The following PSMA8 variants were observed in gnomAD, a reference collection of about 807,000 sequenced individuals.
PSMA8 encodes the protein proteasome 20S subunit alpha 8.
PSMA8 carries 18 observed loss-of-function variants against 32.4 expected under a neutral mutation model. The observed-to-expected ratio is 0.56, with a 90% CI of 0.38 to 0.82. The LOEUF is 0.82. Ranked by LOEUF, PSMA8 falls within the 40% of genes least tolerant of loss-of-function variation. The pLI is 0.00. For missense variants in PSMA8, 298 were observed against 300.7 expected (o/e 0.99, Z 0.07); for synonymous variants, 104 against 98.1 (o/e 1.06, Z -0.36).
At chr18:26,165,728 T>C (rs948938884) in intron 4 of PSMA8, among the ~76,000 whole-genome samples, 2 of 152,006 alleles carry the variant, frequency 1.3e-5, no homozygotes, top group Admixed American at 1.3e-4. Context: ...GCAAAACATA[T>C]GGTCTTTAGA....
In PSMA8 at chr18:26,186,001, G is replaced by C. The variant is rs145240896; in HGVS notation, c.661-6318G>C. On this transcript the variant is annotated intron_variant, in intron 6 of 6. Transcript: ENST00000415576. ...TCATGCCTGTAATCCCAGCCCTTTGGGAGACCGAGTGGGTGGATCACGAGG... is the reference window on the plus strand; with the variant it reads ...TCATGCCTGTAATCCCAGCCCTTTGCGAGACCGAGTGGGTGGATCACGAGG... 2.3e-4 allele frequency among the ~76,000 whole-genome samples: 35 copies of C among 150,020 alleles called. 2 individuals are homozygous for C. The highest frequency in any genetic ancestry group is 8.1e-4 in the African/African-American group (33 of 40,632).
At chr18:26,168,127 C>T (rs865773849) in intron 4 of PSMA8, among the ~76,000 whole-genome samples, 26 of 111,104 alleles carry the variant, frequency 2.3e-4, no homozygotes, top group Middle Eastern at 3.7e-3. Context: ...AAAGGCTTTT[C>T]AGTTTATAAT....
At chr18:26,169,363 C>G (rs1172553144) in intron 4 of PSMA8, among the ~76,000 whole-genome samples, 1 of 134,020 alleles carries the variant, frequency 7.5e-6, no homozygotes, top group Non-Finnish European at 1.5e-5. Flanking sequence ...TCAGAATATC[C>G]TGCTACTTAT....
At chr18:26,138,434 T>G (rs2144266896) in intron 1 of PSMA8, among the ~76,000 whole-genome samples, 1 of 152,268 alleles carries the variant, frequency 6.6e-6, no homozygotes, top group Non-Finnish European at 1.5e-5. Context: ...CCTTTCCACA[T>G]TAGGAAAGTG....
chr18:26,190,642 C>T (rs868556483), intron 6 of PSMA8, among the ~76,000 whole-genome samples: 14 of 152,158 alleles, frequency 9.2e-5, no homozygotes, highest in South Asian at 8.3e-4. Context: ...CCAGCTACTC[C>T]GGTTGCTGAG....
chr18:26,139,840 A>G (rs2054940588), intron 1 of PSMA8, among the ~76,000 whole-genome samples: 1 of 152,174 alleles, frequency 6.6e-6, no homozygotes, highest in East Asian at 1.9e-4. Context: ...TTAAAGTGGA[A>G]TGGTCTTAAA....
chr18:26,177,806 C>G (rs1329442155), intron 4 of PSMA8, among the ~76,000 whole-genome samples: 1 of 152,142 alleles, frequency 6.6e-6, no homozygotes, highest in Non-Finnish European at 1.5e-5. Context: ...AGGTAAATAG[C>G]TTTCTTCATG....
intron 4 of PSMA8, among the ~76,000 whole-genome samples, chr18:26,163,335 G>A (rs1418426662): frequency 6.7e-6 from 1 of 148,882 alleles, no homozygotes; most frequent in Non-Finnish European, 1.5e-5. Flanking sequence ...GTCAGGGAAG[G>A]TCCCTTTGAA....
intron 1 of PSMA8, among the ~76,000 whole-genome samples, chr18:26,138,085 A>T (rs955518691): frequency 6.6e-6 from 1 of 152,234 alleles, no homozygotes; most frequent in African/African-American, 2.4e-5. Context: ...CAGATCATGG[A>T]ATGCCATTAA....
chr18:26,141,253 C>T (rs147389580), intron 1 of PSMA8, among the ~76,000 whole-genome samples: 248 of 151,374 alleles, frequency 1.6e-3, no homozygotes, highest in Non-Finnish European at 2.8e-3. Flanking sequence ...TTTTTTCTTA[C>T]TTGATTAAAA....
At chr18:26,163,602 C>T (rs8099015) in intron 4 of PSMA8, among the ~76,000 whole-genome samples, 80 of 152,292 alleles carry the variant, frequency 5.3e-4, no homozygotes, top group African/African-American at 1.9e-3. Flanking sequence ...CGTGACTACG[C>T]TACAGCAAGT....
chr18:26,145,594 A>C (rs1013500387), intron 2 of PSMA8, among the ~76,000 whole-genome samples: 5 of 152,200 alleles, frequency 3.3e-5, no homozygotes, highest in African/African-American at 1.2e-4. Flanking sequence ...CATTTTGAGA[A>C]TGTTATATGG....
At chr18:26,158,277 A>G in intron 4 of PSMA8, 33 bp downstream of exon 4, 4 of 1,524,928 alleles carry the variant, frequency 2.6e-6, no homozygotes, top group Non-Finnish European at 3.6e-6. Flanking sequence ...CTTTTTTAGA[A>G]GTTTAGTAAA....
At chr18:26,163,186 A>C in intron 4 of PSMA8, among the ~76,000 whole-genome samples, 1 of 141,168 alleles carries the variant, frequency 7.1e-6, no homozygotes, top group African/African-American at 2.6e-5. Flanking sequence ...CAACAATATA[A>C]AAGGTGGTGT....
rs140005604 is a variant in PSMA8, at chr18:26,143,047, G to A, written c.103-1512G>A. Reference sequence around the variant, plus strand: ...TAATACTACCAGCACTAGTACTGCCGCCTTTATAAAGAATCCACATGGATT... The same window carrying A: ...TAATACTACCAGCACTAGTACTGCCACCTTTATAAAGAATCCACATGGATT... On this transcript the variant is annotated intron_variant, in intron 1 of 6. Transcript: ENST00000415576. 5.2e-3 allele frequency among the ~76,000 whole-genome samples: 791 copies of A among 152,128 alleles called. 6 individuals are homozygous for A. Among genetic ancestry groups the A allele is most frequent in the African/African-American group, 0.018 (743 of 41,500 alleles).
chr18:26,133,877 G>T lies in PSMA8; in HGVS notation c.-89G>T, dbSNP rs575650531. 4.6e-5 allele frequency: 52 copies of T among 1,137,402 alleles called. No individual in the cohort carries two copies. Among genetic ancestry groups the T allele is most frequent in the Non-Finnish European group, 6.7e-5 (51 of 763,794 alleles). 70.5% of individuals were successfully genotyped at this position (1,137,402 alleles called of 1,614,324 possible). A position where few individuals can be genotyped will look rare whatever the true frequency, so the allele number is the denominator to read the frequency against. On this transcript the variant is annotated 5_prime_UTR_variant, in exon 1 of 7. Transcript: ENST00000415576. ...GAGGCGCGTGTGGAAGCGCTTCCGG[G>T]CGGTAGCACGCTGTGTTGGCGGCGG...
chr18:26,186,177 A>G lies in PSMA8; in HGVS notation c.661-6142A>G, dbSNP rs777517462. On this transcript the variant is annotated intron_variant, in intron 6 of 6. Coordinates refer to ENST00000415576, the MANE Select transcript of PSMA8 (RefSeq NM_001025096.2). ...GGCAGGAGAATCACTTGAACCTGGG[A>G]GGCAGAGGTTGCAGTGAGCTGAGAT... Among the ~76,000 whole-genome samples the G allele has an allele frequency of 8.6e-4, 117 of 135,804 alleles. 3 individuals carry two copies. The highest frequency in any genetic ancestry group is 7.9e-4 in the Non-Finnish European group (51 of 64,624). The allele number at this position is 135,804 out of a possible 152,430, so 89.1% of individuals were successfully genotyped here. A position where few individuals can be genotyped will look rare whatever the true frequency, so the allele number is the denominator to read the frequency against.
At chr18:26,143,906 G>A (rs1306153275) in intron 1 of PSMA8, among the ~76,000 whole-genome samples, 1 of 152,026 alleles carries the variant, frequency 6.6e-6, no homozygotes, top group East Asian at 1.9e-4. Context: ...GTTTTTAGTA[G>A]AGACGGGGTT....
rs1329251073 is a variant in PSMA8, at chr18:26,184,793, G to A, written c.660+5663G>A. 5.0e-5 allele frequency among the ~76,000 whole-genome samples: 7 copies of A among 139,108 alleles called. 1 individual carries two copies. In the East Asian group the frequency reaches 1.5e-3, roughly 30 times the overall value. 91.3% of individuals were successfully genotyped at this position (139,108 alleles called of 152,430 possible). A position where few individuals can be genotyped will look rare whatever the true frequency, so the allele number is the denominator to read the frequency against. On this transcript the variant is annotated intron_variant, in intron 6 of 6. Coordinates refer to ENST00000415576, the MANE Select transcript of PSMA8 (RefSeq NM_001025096.2). ...TGTCTCAAAAAAAAAAAAAAAAAAA[G>A]TTGTTTTTGGCAGCCGGGCACAGTG... is the stretch of plus-strand genomic sequence containing the variant.
Sources: allele counts gnomAD v4.1 joint callset (sites outside exome capture counted in the v4.1 genomes callset), GRCh38; gene constraint gnomAD v4.1.1; transcripts MANE v1.5; gene names NCBI Gene and HGNC (gene_info 2026-07-23, HGNC 2026-07-21).